The following MYO5B variants were observed in gnomAD, a reference collection of about 807,000 sequenced individuals.
The protein encoded by MYO5B is unconventional myosin-Vb.
In MYO5B, 143 loss-of-function variants were observed where a neutral mutation model predicts 229.3. The ratio of observed to expected loss-of-function variants is 0.62; its 90% CI spans 0.54 to 0.72. The LOEUF (loss-of-function observed/expected upper bound fraction) is 0.72. MYO5B is among the 30% of genes least tolerant of loss of function. MYO5B has a pLI of 0.00. For synonymous variants in MYO5B, 918 were observed against 885.2 expected (o/e 1.04, Z -0.66); for missense variants, 2,321 against 2,331.0 (o/e 1.00, Z 0.09).
intron 1 of MYO5B, among the ~76,000 whole-genome samples, chr18:50,131,034 T>C (rs1192662515): frequency 6.6e-6 from 1 of 152,176 alleles, no homozygotes; most frequent in Non-Finnish European, 1.5e-5. Flanking sequence ...CTTCCTCCAA[T>C]CTTCAATTCT....
intron 22 of MYO5B, among the ~76,000 whole-genome samples, chr18:49,893,934 C>A (rs1298325136): frequency 6.6e-6 from 1 of 152,208 alleles, no homozygotes; most frequent in Non-Finnish European, 1.5e-5. Flanking sequence ...AAGCCAAACA[C>A]AATCTCATGG....
chr18:50,018,973 A>G (rs1347487661), intron 4 of MYO5B, among the ~76,000 whole-genome samples: 1 of 152,238 alleles, frequency 6.6e-6, no homozygotes, highest in Non-Finnish European at 1.5e-5. Context: ...TCTATTCCCC[A>G]GTCTACATGA....
At position 50,103,085 on chromosome 18, in the gene MYO5B, G is replaced by C. The variant is rs975382066; in HGVS notation, c.28-47707C>G. Reference sequence around the variant, plus strand: ...CCCCGCCTGTCCTTGTTCTGACTGTGCTCATGGCTACAGGCTCACCTTGGG... The same window carrying C: ...CCCCGCCTGTCCTTGTTCTGACTGTCCTCATGGCTACAGGCTCACCTTGGG... On this transcript the variant is annotated intron_variant, in intron 1 of 39. Transcript: ENST00000285039. 2.6e-5 allele frequency among the ~76,000 whole-genome samples: 4 copies of C among 152,326 alleles called. No individual in the cohort carries two copies. The South Asian group carries it at 8.3e-4, about 32-fold the overall frequency.
At chr18:49,829,969 C>T (rs564547351) in intron 39 of MYO5B, among the ~76,000 whole-genome samples, 4 of 152,248 alleles carry the variant, frequency 2.6e-5, no homozygotes, top group African/African-American at 9.6e-5. Context: ...ACAAATATCA[C>T]ACTCAGAAAG....
At chr18:49,901,675 C>T (rs1225677873) in intron 21 of MYO5B, among the ~76,000 whole-genome samples, 1 of 152,120 alleles carries the variant, frequency 6.6e-6, no homozygotes, top group Admixed American at 6.5e-5. Context: ...GAACTGAATT[C>T]TGATTTCCAA....
chr18:50,055,250 C>CCCCCCCCCCCCCA lies in MYO5B; in HGVS notation c.138+17_138+18insTGGGGGGGGGGGG. The CCCCCCCCCCCCCA allele has an allele frequency of 7.5e-7, 1 of 1,339,642 alleles. No individual in the cohort carries two copies. The highest frequency in any genetic ancestry group is 1.1e-6 in the Non-Finnish European group (1 of 935,778). 83.0% of individuals were successfully genotyped at this position (1,339,642 alleles called of 1,614,324 possible). On this transcript the variant is annotated intron_variant, in intron 2 of 39. Transcript: ENST00000285039. ...GCCCCACCTCACCCCCGCCCCCCTG[C>CCCCCCCCCCCCCA]CCCGGACTCACTCTTACCGTTTCAT...
At chr18:49,853,691 GCCC>G (rs781033612) in intron 30 of MYO5B, 44 bp from the exon 31 acceptor site, 2 of 1,581,842 alleles carry the variant, frequency 1.3e-6, no homozygotes, top group African/African-American at 2.7e-5. Context: ...CCAGGCCAGG[GCCC>G]CCATCTGAGG....
chr18:50,132,188 C>T (rs902172108), intron 1 of MYO5B, among the ~76,000 whole-genome samples: 1 of 152,180 alleles, frequency 6.6e-6, no homozygotes, highest in Non-Finnish European at 1.5e-5. Context: ...TTGCTCTCCG[C>T]TTTGAAACAG....
intron 4 of MYO5B, among the ~76,000 whole-genome samples, chr18:50,035,781 C>T (rs896841306): frequency 2.0e-5 from 3 of 152,196 alleles, no homozygotes; most frequent in African/African-American, 7.2e-5. Context: ...AAAATAGTTA[C>T]AGATCATTCT....
At chr18:50,128,660 G>A (rs1051727584) in intron 1 of MYO5B, among the ~76,000 whole-genome samples, 32 of 152,140 alleles carry the variant, frequency 2.1e-4, no homozygotes, top group African/African-American at 7.5e-4. Context: ...CCCTGCCCAG[G>A]TACAAAGGCC....
At chr18:50,193,863 G>C (rs913207995) in intron 1 of MYO5B, among the ~76,000 whole-genome samples, 4 of 152,252 alleles carry the variant, frequency 2.6e-5, no homozygotes, top group African/African-American at 7.2e-5. Flanking sequence ...GCTGCCGCGA[G>C]CTCCCCTGGA....
chr18:50,133,039 C>G (rs574416871), intron 1 of MYO5B, among the ~76,000 whole-genome samples: 2 of 152,222 alleles, frequency 1.3e-5, no homozygotes, highest in South Asian at 2.1e-4. Context: ...TTTAAATAAG[C>G]CTGGAAGATG....
At chr18:50,110,178 G>A (rs116880949) in intron 1 of MYO5B, among the ~76,000 whole-genome samples, 47 of 152,232 alleles carry the variant, frequency 3.1e-4, no homozygotes, top group Non-Finnish European at 5.1e-4. Context: ...TGCTTCAAGT[G>A]TTTGGCCAAA....
At chr18:50,056,463 A>G (rs1181697676) in intron 1 of MYO5B, among the ~76,000 whole-genome samples, 1 of 152,206 alleles carries the variant, frequency 6.6e-6, no homozygotes, top group East Asian at 1.9e-4. Context: ...TTCATCTCAT[A>G]GGTAGGCAAC....
At chr18:50,007,181 C>T (rs374842856) in intron 4 of MYO5B, among the ~76,000 whole-genome samples, 2 of 152,156 alleles carry the variant, frequency 1.3e-5, no homozygotes, top group East Asian at 1.9e-4. Context: ...CCTCGAATTC[C>T]CAGGGCTCCT....
intron 4 of MYO5B, among the ~76,000 whole-genome samples, chr18:50,020,489 A>G (rs1299253647): frequency 6.6e-6 from 1 of 152,166 alleles, no homozygotes; most frequent in African/African-American, 2.4e-5. Flanking sequence ...CGGGACTCCA[A>G]TCTAATAGTG....
rs556864295 is a variant in MYO5B, at chr18:50,033,284, C to T, written c.455+3566G>A. On this transcript the variant is annotated intron_variant, in intron 4 of 39. Coordinates refer to ENST00000285039, the MANE Select transcript of MYO5B (RefSeq NM_001080467.3). ...TGAGGTCATGGTCCACTACTCCACC[C>T]ACCTAGAGGCCCTCTTCTTACTCTG... Among the ~76,000 whole-genome samples the T allele has an allele frequency of 2.6e-5, 4 of 152,276 alleles. No homozygotes were observed. The South Asian group carries it at 8.3e-4, about 32-fold the overall frequency.
chr18:49,898,679 T>C (rs969312790), intron 21 of MYO5B, among the ~76,000 whole-genome samples: 1 of 152,166 alleles, frequency 6.6e-6, no homozygotes, highest in African/African-American at 2.4e-5. Flanking sequence ...CTCCAAATCC[T>C]CTTGAACTGC....
At position 50,102,874 on chromosome 18, in the gene MYO5B, A is replaced by C. The variant is rs867298023; in HGVS notation, c.28-47496T>G. 2.6e-5 allele frequency among the ~76,000 whole-genome samples: 4 copies of C among 152,208 alleles called. No individual in the cohort carries two copies. The Middle Eastern group carries it at 0.014, about 518-fold the overall frequency. On this transcript the variant is annotated intron_variant, in intron 1 of 39. Coordinates refer to ENST00000285039, the MANE Select transcript of MYO5B (RefSeq NM_001080467.3). ...TCCTTCCCCTCCCCAGCCTCAGCCC[A>C]TAAGAGACTTTTCTGCCCTTTCCCA...
Sources: allele counts gnomAD v4.1 joint callset (sites outside exome capture counted in the v4.1 genomes callset), GRCh38; gene constraint gnomAD v4.1.1; transcripts MANE v1.5; gene names NCBI Gene and HGNC (gene_info 2026-07-23, HGNC 2026-07-21).